The following FRMPD4 variants were observed in gnomAD, a reference collection of about 807,000 sequenced individuals.
FRMPD4 encodes FERM and PDZ domain containing 4, also known as FERM and PDZ domain-containing protein 4.
A neutral mutation model predicts 94.1 loss-of-function variants in FRMPD4; 22 were observed. The ratio of observed to expected loss-of-function variants is 0.23; its 90% confidence interval spans 0.17 to 0.33. The LOEUF (loss-of-function observed/expected upper bound fraction) is 0.33, where lower values mean the gene tolerates loss of function less well. FRMPD4 is among the 10% of genes least tolerant of loss of function. FRMPD4 has a pLI of 1.00. For missense variants in FRMPD4, 1,111 were observed against 1,339.9 expected, an observed-to-expected ratio of 0.83 and a Z score of 2.67; for synonymous variants, 631 against 548.6, an observed-to-expected ratio of 1.15 and a Z score of -2.10.
rs146061087 is a variant in FRMPD4 at position 11,915,794 on chromosome X, C to A, written c.95+37776C>A. On this transcript the variant is annotated intron_variant, in intron 3 of 18. Transcript: ENST00000640291. ...TTTGAAGCTAAGTTGTACCACTAAC[C>A]AGCTGTGTGAACTCAGAAGAGTTTC... 3.6e-5 allele frequency among the ~76,000 whole-genome samples: 4 copies of A among 112,171 alleles called. No homozygotes were observed. The East Asian group carries it at 1.1e-3, about 31-fold the overall frequency.
At chrX:12,613,340 A>G (rs1361224441) in intron 3 of FRMPD4, among the ~76,000 whole-genome samples, 1 of 111,727 alleles carries the variant, frequency 9.0e-6, no homozygotes, top group East Asian at 2.8e-4. Context: ...TTCAAAAGGG[A>G]CATTCACCAT....
At chrX:12,559,624 G>A (rs1157867464) in intron 2 of FRMPD4, among the ~76,000 whole-genome samples, 4 of 101,987 alleles carry the variant, frequency 3.9e-5, no homozygotes, top group South Asian at 4.6e-4. Context: ...CACTCCAGCC[G>A]AGGTGATAGA....
chrX:12,556,540 C>G (rs2058597515), intron 2 of FRMPD4, among the ~76,000 whole-genome samples: 1 of 111,614 alleles, frequency 9.0e-6, no homozygotes, highest in African/African-American at 3.3e-5. Flanking sequence ...GAATCACAGC[C>G]TGGCCAAAAA....
In FRMPD4 at chrX:12,664,966, T is replaced by A. The variant is rs1374776047; in HGVS notation, c.423-9897T>A. On this transcript the variant is annotated intron_variant, in intron 4 of 16. Transcript: ENST00000675598. ...TGTGTCCAGGAATTTATCCATTTCT[T>A]CTAGATTTTCTAGTTTATTTGCATA... Among the ~76,000 whole-genome samples the A allele has an allele frequency of 2.7e-5, 3 of 111,862 alleles. No homozygotes were observed. In the East Asian group the frequency reaches 8.4e-4, roughly 31 times the overall value.
chrX:12,304,368 T>A (rs976160457), intron 1 of FRMPD4, among the ~76,000 whole-genome samples: 1 of 110,926 alleles, frequency 9.0e-6, no homozygotes, highest in Non-Finnish European at 1.9e-5. Context: ...AGACTGTGTG[T>A]CCTGTACATT....
At chrX:12,260,915 T>G (rs1200634244) in intron 1 of FRMPD4, among the ~76,000 whole-genome samples, 2 of 111,964 alleles carry the variant, frequency 1.8e-5, no homozygotes, top group African/African-American at 6.5e-5. Context: ...TAAGGTGACC[T>G]AAGTATCTCT....
chrX:11,933,667 A>T (rs2054134367), intron 3 of FRMPD4, among the ~76,000 whole-genome samples: 1 of 112,526 alleles, frequency 8.9e-6, no homozygotes, highest in African/African-American at 3.2e-5. Flanking sequence ...TCATTCCCAA[A>T]TGGGGAGAAT....
In FRMPD4 at chrX:12,507,963, T is replaced by C. The variant is rs181053707; in HGVS notation, c.158+9167T>C. Among the ~76,000 whole-genome samples the C allele has an allele frequency of 4.5e-5, 5 of 111,988 alleles. No homozygotes were observed. In the East Asian group the frequency reaches 1.4e-3, roughly 31 times the overall value. ...GAGGGGTACAGAGGACAGGAAATGA[T>C]AGCAGGGGGCAGCCCAGTCACAATG... On this transcript the variant is annotated intron_variant, in intron 2 of 16. Coordinates refer to ENST00000675598, the MANE Select transcript of FRMPD4 (RefSeq NM_001368397.1).
At chrX:12,378,744 C>T (rs186652505) in intron 1 of FRMPD4, among the ~76,000 whole-genome samples, 1 of 112,204 alleles carries the variant, frequency 8.9e-6, no homozygotes, top group African/African-American at 3.2e-5. Context: ...GAGATTTTCT[C>T]TTGCTGCTGA....
chrX:11,845,298 G>T (rs747094589), intron 1 of FRMPD4, among the ~76,000 whole-genome samples: 8 of 111,851 alleles, frequency 7.2e-5, no homozygotes, highest in African/African-American at 2.6e-4. Flanking sequence ...AAGGTGAACA[G>T]GAAATCTTGA....
intron 3 of FRMPD4, among the ~76,000 whole-genome samples, chrX:12,078,014 G>T (rs1445373091): frequency 8.9e-6 from 1 of 111,983 alleles, no homozygotes; most frequent in African/African-American, 3.2e-5. Context: ...GCTGGTGTCA[G>T]CCAGGGCTAC....
intron 1 of FRMPD4, among the ~76,000 whole-genome samples, chrX:12,180,965 C>A (rs1569182216): frequency 8.9e-6 from 1 of 112,172 alleles, no homozygotes; most frequent in African/African-American, 3.2e-5. Context: ...CTTCTGCTGG[C>A]TGGTTGGGTT....
intron 4 of FRMPD4, among the ~76,000 whole-genome samples, chrX:12,624,947 A>G (rs1469764588): frequency 9.0e-6 from 1 of 111,684 alleles, no homozygotes; most frequent in Non-Finnish European, 1.9e-5. Flanking sequence ...AGGAAAAAAA[A>G]GAATAATCCA....
intron 1 of FRMPD4, among the ~76,000 whole-genome samples, chrX:12,194,610 T>C (rs1313390168): frequency 8.9e-6 from 1 of 111,801 alleles, no homozygotes; most frequent in Non-Finnish European, 1.9e-5. Flanking sequence ...GTGTTTTGTG[T>C]ATGATTTAGG....
At chrX:12,415,342 A>G (rs1334945948) in intron 1 of FRMPD4, among the ~76,000 whole-genome samples, 3 of 111,489 alleles carry the variant, frequency 2.7e-5, no homozygotes, top group Non-Finnish European at 5.7e-5. Context: ...GTTTTCAAAA[A>G]GATAGTCCTG....
rs770967477 is a variant in FRMPD4 at position 12,291,500 on chromosome X, C to A, written c.41+152488C>A. On this transcript the variant is annotated intron_variant, in intron 1 of 16. Coordinates refer to ENST00000675598, the MANE Select transcript of FRMPD4 (RefSeq NM_001368397.1). ...ACTCTTAAATCATTGGCACTGGATTCTCTCCCCATCTCCTTATCTATACTT... is the reference window on the plus strand; with the variant it reads ...ACTCTTAAATCATTGGCACTGGATTATCTCCCCATCTCCTTATCTATACTT... 4.5e-5 allele frequency among the ~76,000 whole-genome samples: 5 copies of A among 111,988 alleles called. No individual in the cohort carries two copies. The East Asian group carries it at 1.4e-3, about 32-fold the overall frequency.
rs934136962 is a variant in FRMPD4, at chrX:12,658,922, C to A, written c.423-15941C>A. Among the ~76,000 whole-genome samples the A allele has an allele frequency of 5.4e-5, 6 of 111,957 alleles. No individual in the cohort carries two copies. The Admixed American group carries it at 5.7e-4, about 11-fold the overall frequency. On this transcript the variant is annotated intron_variant, in intron 4 of 16. Transcript: ENST00000675598. Reference sequence around the variant, plus strand: ...TTCTCAGCTTAGTGGCCGGAGTGACCTTTTTAAAACATGTATTTTGTCATT... The same window carrying A: ...TTCTCAGCTTAGTGGCCGGAGTGACATTTTTAAAACATGTATTTTGTCATT...
At chrX:12,109,392 C>G (rs989966762) in intron 3 of FRMPD4, among the ~76,000 whole-genome samples, 2 of 112,012 alleles carry the variant, frequency 1.8e-5, no homozygotes, top group African/African-American at 6.5e-5. Context: ...AAAGGTACAA[C>G]ATACCAGAAT....
chrX:12,043,821 A>AT (rs917337860), intron 3 of FRMPD4, among the ~76,000 whole-genome samples: 1 of 109,989 alleles, frequency 9.1e-6, no homozygotes, highest in Non-Finnish European at 1.9e-5. Flanking sequence ...TAGCAAAATT[A>AT]TTTTTTTTTC....
Sources: gnomAD v4.1 joint callset for allele counts (sites outside exome capture counted in the v4.1 genomes callset) on GRCh38, gnomAD v4.1.1 for gene constraint, MANE v1.5 for transcripts, NCBI Gene and HGNC (gene_info 2026-07-23, HGNC 2026-07-21) for gene names.